The following RAB11FIP3 variants were observed in gnomAD, a reference collection of about 807,000 sequenced individuals.
RAB11FIP3 encodes the protein RAB11 family interacting protein 3.
In RAB11FIP3, 17 loss-of-function variants were observed where a neutral mutation model predicts 77.8. The ratio of observed to expected loss-of-function variants is 0.22; its 90% CI spans 0.15 to 0.33. The LOEUF is 0.33. Ranked by LOEUF, RAB11FIP3 falls within the 10% of genes least tolerant of loss-of-function variation. RAB11FIP3 has a pLI of 1.00. For missense variants in RAB11FIP3, 1,005 were observed against 1,011.2 expected, an observed-to-expected ratio of 0.99 and a Z score of 0.08; for synonymous variants, 437 against 448.2, an observed-to-expected ratio of 0.98 and a Z score of 0.31.
At chr16:482,934 C>G (rs1017936498) in intron 4 of RAB11FIP3, among the ~76,000 whole-genome samples, 198 bp downstream of exon 4, 1 of 152,040 alleles carries the variant, frequency 6.6e-6, no homozygotes, top group South Asian at 2.1e-4. Flanking sequence ...CCCGAGCAGT[C>G]TCCCTGTTCC....
chr16:482,085 ACCGCAC>A (rs1263872020), intron 3 of RAB11FIP3, among the ~76,000 whole-genome samples: 1 of 57,316 alleles, frequency 1.7e-5, no homozygotes, highest in African/African-American at 1.0e-4. Flanking sequence ...GGCAGGTGCC[ACCGCAC>A]CTGGGCAAGC....
In RAB11FIP3 at chr16:510,729, C is replaced by T; in HGVS notation, c.1569C>T (p.Thr523=). ...LRACEMVLEE[T]RRQKELLCKM... ...CCTGCGAGATGGTCCTGGAAGAGAC[C>T]CGGCGTCAGAAGGAGCTCCTGTGCA... The change falls in exon 9 of 14, where the codon ACC becomes ACT. Residue 523 remains threonine, a synonymous_variant. Transcript: ENST00000262305. 1 of 1,613,132 alleles carries T rather than the reference C, an allele frequency of 6.2e-7. No homozygotes were observed. The highest frequency in any genetic ancestry group is 2.2e-5 in the East Asian group (1 of 44,870).
In RAB11FIP3 at chr16:514,281, T is replaced by G. The variant is rs541849996; in HGVS notation, c.1640+3481T>G. The stretch of plus-strand genomic sequence containing the variant: ...CCTGCGGTCAGCCCAGCACGAGGCC[T>G]CTGGCATCTTGGGGACTTCCCCAGC... On this transcript the variant is annotated intron_variant, in intron 9 of 13. Transcript: ENST00000262305. The surrounding 1 kb of genome is among the most constrained non-coding windows in gnomAD (Gnocchi z 4.6). Among the ~76,000 whole-genome samples the G allele has an allele frequency of 1.1e-4, 16 of 152,324 alleles. No individual in the cohort carries two copies. Among genetic ancestry groups the G allele is most frequent in the South Asian group, 1.0e-3 (5 of 4,826 alleles).
chr16:426,095 C>T lies in RAB11FIP3; in HGVS notation c.89C>T (p.Ala30Val), dbSNP rs17846475. 2 of 1,004,274 alleles carry T rather than the reference C, an allele frequency of 2.0e-6. No individual in the cohort carries two copies. Among genetic ancestry groups the T allele is most frequent in the African/African-American group, 3.5e-5 (2 of 57,162 alleles). The allele number at this position is 1,004,274 out of a possible 1,614,324, so 62.2% of individuals were successfully genotyped here. A position where few individuals can be genotyped will look rare whatever the true frequency, so the allele number is the denominator to read the frequency against. ...GGCGGGCCGGACGGGCCGGGGGCGGCACAACTGGCTCCGGGCCCTGCGGAG... is the reference window on the plus strand; with the variant it reads ...GGCGGGCCGGACGGGCCGGGGGCGGTACAACTGGCTCCGGGCCCTGCGGAG... ...EPGGPDGPGA[A>V]QLAPGPAELR... is the part of the protein sequence containing the mutation. Residue 30 changes from alanine (A) to valine (V), a missense_variant, in exon 1 of 14, where the codon GCA (alanine) becomes GTA (valine). Around this residue, in one of 4 missense-constraint regions of RAB11FIP3, gnomAD observed 466 missense variants for 408.3 expected, o/e 1.14. Transcript: ENST00000262305. The surrounding 1 kb of genome is among the most constrained non-coding windows in gnomAD (Gnocchi z 5.0).
chr16:484,455 G>C (rs1198265684), intron 4 of RAB11FIP3, among the ~76,000 whole-genome samples: 1 of 151,974 alleles, frequency 6.6e-6, no homozygotes, highest in African/African-American at 2.4e-5. Flanking sequence ...AGGTTCCAGC[G>C]ATTCTCCTGC....
At chr16:432,603 TG>T (rs770174304) in intron 1 of RAB11FIP3, among the ~76,000 whole-genome samples, 6,339 of 137,194 alleles carry the variant, frequency 0.046, 136 homozygotes, top group African/African-American at 0.068. Context: ...TTTTTTTTTT[TG>T]TGTGTGTGTG....
intron 2 of RAB11FIP3, among the ~76,000 whole-genome samples, chr16:464,468 G>C (rs1187007246): frequency 1.3e-5 from 2 of 152,188 alleles, no homozygotes; most frequent in African/African-American, 4.8e-5. Flanking sequence ...CTTCTGGAAA[G>C]TCTGGTTCTC....
rs1049177398 is a variant in RAB11FIP3, at chr16:506,778, C to T, written c.1499+1151C>T. 2.0e-5 allele frequency among the ~76,000 whole-genome samples: 3 copies of T among 152,204 alleles called. No homozygotes were observed. Among genetic ancestry groups the T allele is most frequent in the Admixed American group, 6.5e-5 (1 of 15,284 alleles). On this transcript the variant is annotated intron_variant, in intron 8 of 13. Transcript: ENST00000262305. This position sits in a 1 kb window ranked among gnomAD's most constrained non-coding sequence, Gnocchi z 4.5. ...TGTGGAGTGAAGACCCTGGGCTTGG[C>T]GGCTGCCCGTTCTCCAGGATTCTCA...
intron 1 of RAB11FIP3, among the ~76,000 whole-genome samples, chr16:438,296 T>TG (rs1159401131): frequency 6.7e-6 from 1 of 149,994 alleles, no homozygotes; most frequent in Non-Finnish European, 1.5e-5. Context: ...TTAGTAGAGA[T>TG]GGGGTTTCAC....
At chr16:517,670 A>G (rs970619275) in intron 9 of RAB11FIP3, among the ~76,000 whole-genome samples, 2 of 152,234 alleles carry the variant, frequency 1.3e-5, no homozygotes, top group African/African-American at 4.8e-5. Flanking sequence ...GAGTGTCCCA[A>G]TGTGGCTCTG....
chr16:453,880 C>T (rs1321971531), intron 1 of RAB11FIP3, among the ~76,000 whole-genome samples: 1 of 152,118 alleles, frequency 6.6e-6, no homozygotes, highest in Non-Finnish European at 1.5e-5. Flanking sequence ...CAGACGTGAG[C>T]CACCACACCC....
intron 1 of RAB11FIP3, among the ~76,000 whole-genome samples, chr16:440,012 T>C (rs779125497): frequency 2.6e-5 from 4 of 152,036 alleles, no homozygotes; most frequent in Non-Finnish European, 5.9e-5. Context: ...GGCTAATTTT[T>C]TGTATTTTTA....
intron 9 of RAB11FIP3, among the ~76,000 whole-genome samples, chr16:518,236 G>A (rs1475641711): frequency 2.6e-5 from 4 of 152,160 alleles, no homozygotes; most frequent in Non-Finnish European, 5.9e-5. Context: ...GTGCCACTAT[G>A]CTCGGCTAAT....
chr16:477,975 C>A (rs1009585605), intron 3 of RAB11FIP3, among the ~76,000 whole-genome samples: 2 of 152,272 alleles, frequency 1.3e-5, no homozygotes, highest in Admixed American at 6.5e-5. Context: ...GAATTTATAA[C>A]CCCCGTTTGC....
At chr16:450,263 G>C (rs373647337) in intron 1 of RAB11FIP3, among the ~76,000 whole-genome samples, 1 of 152,064 alleles carries the variant, frequency 6.6e-6, no homozygotes, top group Non-Finnish European at 1.5e-5. Context: ...TCTGCCTCCC[G>C]GGCTCAAGCG....
At chr16:512,054 G>A (rs1367280345) in intron 9 of RAB11FIP3, among the ~76,000 whole-genome samples, 1 of 152,190 alleles carries the variant, frequency 6.6e-6, no homozygotes, top group African/African-American at 2.4e-5. Context: ...AACCGGCAGT[G>A]GCTAGGAATA....
In RAB11FIP3 at chr16:471,378, G is replaced by A. The variant is rs746204790; in HGVS notation, c.892G>A (p.Val298Ile). Reference protein sequence around the residue: ...LACPDEFDDFVTYEANEVTDS... With the variant: ...LACPDEFDDFITYEANEVTDS... ...CTGCCCGGACGAGTTCGATGACTTC[G>A]TCACCTATGAGGCAAGTGGTTTTCA... Residue 298 changes from valine (V) to isoleucine (I), a missense_variant, in exon 3 of 14, where the codon GTC (valine) becomes ATC (isoleucine). Physicochemically the swap from Val to Ile is conservative, Grantham distance 29. Around this residue, in one of 4 missense-constraint regions of RAB11FIP3, gnomAD observed 466 missense variants for 408.3 expected, o/e 1.14. Transcript: ENST00000262305. The surrounding 1 kb of genome is among the most constrained non-coding windows in gnomAD (Gnocchi z 4.4). 15 of 1,611,430 alleles carry A rather than the reference G, an allele frequency of 9.3e-6. No individual in the cohort carries two copies. The highest frequency in any genetic ancestry group is 1.1e-5 in the South Asian group (1 of 90,720).
chr16:491,687 G>A (rs561750558), intron 5 of RAB11FIP3, among the ~76,000 whole-genome samples: 4 of 152,368 alleles, frequency 2.6e-5, no homozygotes, highest in Non-Finnish European at 4.4e-5. Context: ...CACAGTGAGC[G>A]TGTGAGGGAG....
intron 5 of RAB11FIP3, among the ~76,000 whole-genome samples, chr16:492,424 TCCCCGGGAGACCCGAGG>T (rs2030507874): frequency 4.1e-4 from 22 of 53,692 alleles, no homozygotes; most frequent in African/African-American, 2.6e-3. Flanking sequence ...CCCAGGGCCC[TCCCCGGGAGACCCGAGG>T]CCGCCCAGGG....
Sources: gnomAD v4.1 joint callset for allele counts (sites outside exome capture counted in the v4.1 genomes callset) on GRCh38, gnomAD v4.1.1 for gene constraint, gnomAD v4.1.1 regional missense constraint, Gnocchi (gnomAD v3.1) non-coding constraint, MANE v1.5 for transcripts, NCBI Gene and HGNC (gene_info 2026-07-23, HGNC 2026-07-21) for gene names.